The following GAD1 variants were observed in gnomAD, a reference collection of about 807,000 sequenced individuals.
The protein encoded by GAD1 is 67 kDa glutamic acid decarboxylase.
A neutral mutation model predicts 75.2 loss-of-function variants in GAD1; 35 were observed. That is an observed-to-expected ratio of 0.47 (90% CI 0.36 to 0.62). The LOEUF is 0.62. Ranked by LOEUF, GAD1 falls within the 20% of genes least tolerant of loss-of-function variation. The pLI is 0.00. For synonymous variants in GAD1, 257 were observed against 271.9 expected, an observed-to-expected ratio of 0.95 and a Z score of 0.54; for missense variants, 490 against 758.5, an observed-to-expected ratio of 0.65 and a Z score of 4.16.
intron 6 of GAD1, among the ~76,000 whole-genome samples, chr2:170,843,619 C>CTTT (rs56763249): frequency 7.5e-6 from 1 of 134,142 alleles, no homozygotes. Flanking sequence ...TGGCAGTCAG[C>CTTT]TTTTTTTTTT....
At chr2:170,845,643 A>G (rs760803337) in intron 8 of GAD1, 22 bp downstream of exon 8, 35 of 1,612,602 alleles carry the variant, frequency 2.2e-5, no homozygotes, top group Non-Finnish European at 3.0e-5. Context: ...ATGCTTTCTC[A>G]TGGATAGTGG....
chr2:170,849,110 A>G, intron 11 of GAD1, 176 bp from the exon 12 acceptor site: 1 of 683,710 alleles, frequency 1.5e-6, no homozygotes, highest in Non-Finnish European at 2.7e-6. Flanking sequence ...AAGAAATGAC[A>G]AGCAATGAAG....
At chr2:170,843,054 G>A (rs1375521982) in intron 6 of GAD1, among the ~76,000 whole-genome samples, 1 of 152,186 alleles carries the variant, frequency 6.6e-6, no homozygotes, top group Admixed American at 6.5e-5. Context: ...CCAGCCTACA[G>A]ACTCTAATGC....
chr2:170,836,282 A>G (rs970600810), intron 5 of GAD1, among the ~76,000 whole-genome samples: 8 of 152,174 alleles, frequency 5.3e-5, no homozygotes, highest in Admixed American at 1.3e-4. Context: ...GTTGAATGCT[A>G]AGTTGGCAAA....
chr2:170,854,800 C>T (rs1014047884), intron 14 of GAD1, among the ~76,000 whole-genome samples: 7 of 152,214 alleles, frequency 4.6e-5, no homozygotes, highest in Admixed American at 1.3e-4. Flanking sequence ...GTAGTTAATA[C>T]ACCATTCTGG....
At chr2:170,827,418 C>T (rs559191831) in intron 3 of GAD1, among the ~76,000 whole-genome samples, 1 of 152,216 alleles carries the variant, frequency 6.6e-6, no homozygotes, top group South Asian at 2.1e-4. Flanking sequence ...AAGACTGAGG[C>T]TGAATTGAAG....
chr2:170,822,089 T>C lies in GAD1; in HGVS notation c.85T>C (p.Tyr29His), dbSNP rs771381936. 9.9e-6 allele frequency: 16 copies of C among 1,609,616 alleles called. 1 individual carries two copies. The South Asian group carries it at 1.7e-4, about 17-fold the overall frequency. The stretch of plus-strand genomic sequence containing the variant: ...TCTCTCCCTCTCTCTCGTCCTAGCG[T>C]ACGATACCTGGTGCGGCGTGGCCCA... ...PNTTNLRPTT[Y>H]DTWCGVAHGC... The change falls in exon 3 of 17, where the codon TAC becomes CAC. Residue 29 changes from tyrosine to histidine, a missense_variant and splice_region_variant. Physicochemically the swap from Tyr to His is moderately conservative, Grantham distance 83. Transcript: ENST00000358196.
In GAD1 at chr2:170,852,331, G is replaced by A. The variant is rs375483527; in HGVS notation, c.1185-383G>A. 4.9e-4 allele frequency among the ~76,000 whole-genome samples: 74 copies of A among 152,256 alleles called. No homozygotes were observed. In the South Asian group the frequency reaches 0.015, roughly 32 times the overall value. On this transcript the variant is annotated intron_variant, in intron 12 of 16. Coordinates refer to ENST00000358196, the MANE Select transcript of GAD1 (RefSeq NM_000817.3). ...ACACACTCCCCATTTAAAAGAAACTGAGGCACATAAGAGTTATATAATGTG... is the reference window on the plus strand; with the variant it reads ...ACACACTCCCCATTTAAAAGAAACTAAGGCACATAAGAGTTATATAATGTG...
At chr2:170,829,915 G>A (rs1037255942) in intron 4 of GAD1, 18 of 428,506 alleles carry the variant, frequency 4.2e-5, no homozygotes, top group Non-Finnish European at 6.8e-5. Flanking sequence ...CAGAGTCAAA[G>A]GAACCTTGCA....
At chr2:170,829,716 C>T (rs1005002404) in intron 4 of GAD1, 83 bp downstream of exon 4, 3 of 1,450,116 alleles carry the variant, frequency 2.1e-6, no homozygotes, top group Non-Finnish European at 2.9e-6. Context: ...AATTTTACTT[C>T]TTTTATCAAG....
chr2:170,845,927 T>C, intron 9 of GAD1, 82 bp from the exon 10 acceptor site: 2 of 1,491,688 alleles, frequency 1.3e-6, no homozygotes, highest in South Asian at 2.3e-5. Flanking sequence ...ATTAAATTGC[T>C]TTTTGCTGCT....
chr2:170,847,634 G>A (rs1702661024), intron 10 of GAD1, 42 bp from the exon 11 acceptor site: 1 of 1,308,006 alleles, frequency 7.6e-7, no homozygotes, highest in East Asian at 2.3e-5. Context: ...AAATGAGAAA[G>A]GTTAAAAATA....
At chr2:170,852,842 G>A (rs1702774767) in intron 13 of GAD1, 50 bp downstream of exon 13, 1 of 1,536,796 alleles carries the variant, frequency 6.5e-7, no homozygotes, top group Non-Finnish European at 9.0e-7. Context: ...TCTTTAGAAA[G>A]CACAAAAAGA....
intron 3 of GAD1, among the ~76,000 whole-genome samples, chr2:170,823,055 G>T (rs1237983743): frequency 6.6e-6 from 1 of 152,248 alleles, no homozygotes; most frequent in East Asian, 1.9e-4. Flanking sequence ...GAACAATGAG[G>T]CCTCACTTTC....
intron 6 of GAD1, among the ~76,000 whole-genome samples, chr2:170,841,227 C>T (rs1702509305): frequency 6.6e-6 from 1 of 152,220 alleles, no homozygotes; most frequent in African/African-American, 2.4e-5. Context: ...GACCTTTGAT[C>T]TCTTGACTTC....
At chr2:170,852,282 G>A (rs1702758327) in intron 12 of GAD1, among the ~76,000 whole-genome samples, 1 of 152,108 alleles carries the variant, frequency 6.6e-6, no homozygotes, top group Non-Finnish European at 1.5e-5. Context: ...AAGTTATTTT[G>A]TCCTTTATTC....
chr2:170,828,478 GAT>G (rs1472874816), intron 3 of GAD1, among the ~76,000 whole-genome samples: 24 of 61,470 alleles, frequency 3.9e-4, no homozygotes, highest in East Asian at 9.0e-4. Context: ...TGCTGTCCTT[GAT>G]CTCCTCCCTC....
Position 170,818,222 on chromosome 2 carries a change from G to A in GAD1, c.-63-307G>A. 1 of 332,014 alleles carries A rather than the reference G, an allele frequency of 3.0e-6. No individual in the cohort carries two copies. The highest frequency in any genetic ancestry group is 5.8e-6 in the Non-Finnish European group (1 of 171,380). The allele number at this position is 332,014 out of a possible 1,614,324, so 20.6% of individuals were successfully genotyped here. On this transcript the variant is annotated intron_variant, in intron 1 of 16. Coordinates refer to ENST00000358196, the MANE Select transcript of GAD1 (RefSeq NM_000817.3). This position sits in a 1 kb window ranked among gnomAD's most constrained non-coding sequence, Gnocchi z 5.9. ...ACCCTTGCGTCTTGTACTGGCCTTG[G>A]ACCCCCACCCCGACCCCGACCCCGC...
At chr2:170,836,571 C>T (rs1043505755) in intron 5 of GAD1, among the ~76,000 whole-genome samples, 7 of 152,100 alleles carry the variant, frequency 4.6e-5, no homozygotes, top group Non-Finnish European at 7.3e-5. Flanking sequence ...TTTAAAAGCA[C>T]GATGCTTTAG....
Sources: allele counts gnomAD v4.1 joint callset (sites outside exome capture counted in the v4.1 genomes callset), GRCh38; gene constraint gnomAD v4.1.1; non-coding constraint Gnocchi (gnomAD v3.1); transcripts MANE v1.5; gene names NCBI Gene and HGNC (gene_info 2026-07-23, HGNC 2026-07-21).